The following PPP1R21 variants were observed in gnomAD, a reference collection of about 807,000 sequenced individuals.
The protein encoded by PPP1R21 is KLRAQ motif containing 1.
Under a neutral mutation model 112.8 loss-of-function variants are expected in PPP1R21, and 85 were observed. That is an observed-to-expected ratio of 0.75 (90% CI 0.63 to 0.90). The LOEUF (loss-of-function observed/expected upper bound fraction) is 0.90. Among genes scored for constraint, PPP1R21 ranks in the 40% least tolerant of loss-of-function variants. PPP1R21 has a pLI of 0.00. For missense variants in PPP1R21, 1,199 were observed against 901.5 expected, an observed-to-expected ratio of 1.33 and a Z score of -4.23; for synonymous variants, 381 against 322.3, an observed-to-expected ratio of 1.18 and a Z score of -1.95.
At chr2:48,457,576 AG>A (rs1667781953) in intron 3 of PPP1R21, among the ~76,000 whole-genome samples, 1 of 152,172 alleles carries the variant, frequency 6.6e-6, no homozygotes, top group Non-Finnish European at 1.5e-5. Flanking sequence ...ATTTAAAGGA[AG>A]GGATTTTAAA....
chr2:48,495,150 G>A (rs1028040390), intron 15 of PPP1R21, among the ~76,000 whole-genome samples: 15 of 152,290 alleles, frequency 9.8e-5, no homozygotes, highest in Non-Finnish European at 2.9e-5. Flanking sequence ...GTCATCAGTC[G>A]AACCAAGGTA....
Position 48,511,472 on chromosome 2 carries a change from T to G in PPP1R21, c.2313+4T>G. 1 of 1,611,822 alleles carries G rather than the reference T, an allele frequency of 6.2e-7. No individual in the cohort carries two copies. Among genetic ancestry groups the G allele is most frequent in the Non-Finnish European group, 8.5e-7 (1 of 1,179,420 alleles). ...CACACTAAAGATGTCCAGTAAGGTA[T>G]GTGAGGTGAGGTGAGGTAGTCTCTC... On this transcript the variant is annotated splice_donor_region_variant and intron_variant, in intron 21 of 21. Transcript: ENST00000294952.
chr2:48,454,692 T>C lies in PPP1R21; in HGVS notation c.224T>C (p.Leu75Pro). 2.5e-6 allele frequency: 4 copies of C among 1,614,136 alleles called. No homozygotes were observed. The highest frequency in any genetic ancestry group is 3.4e-6 in the Non-Finnish European group (4 of 1,179,982). ...RNLQLAKRVE[L>P]LQDELALSEP... is the part of the protein sequence containing the mutation. ...CTGCAGCTTGCCAAGAGGGTAGAAC[T>C]ACTTCAAGATGAACTAGCTCTAAGT... The change falls in exon 3 of 22, where the codon CTA becomes CCA. Residue 75 changes from leucine to proline, a missense_variant. Coordinates refer to ENST00000294952, the MANE Select transcript of PPP1R21 (RefSeq NM_001135629.3).
In PPP1R21 at chr2:48,440,830, G is replaced by GGCGGCGGCGGCT. The variant is rs1666981461; in HGVS notation, c.-119_-118insGGCGGCTGCGGC. Reference sequence around the variant, plus strand: ...GAGGAGGCGCGGCGGCGGCGGCGGCGGCGGCTGCGGTGGCCAAGCAGGCAG... The same window carrying GGCGGCGGCGGCT: ...GAGGAGGCGCGGCGGCGGCGGCGGCGGCGGCGGCGGCTGCGGCTGCGGTGGCCAAGCAGGCAG... On this transcript the variant is annotated 5_prime_UTR_variant, in exon 1 of 22. Transcript: ENST00000294952. 3 of 696,642 alleles carry GGCGGCGGCGGCT rather than the reference G, an allele frequency of 4.3e-6. No individual in the cohort carries two copies. Among genetic ancestry groups the GGCGGCGGCGGCT allele is most frequent in the Non-Finnish European group, 7.4e-6 (3 of 408,134 alleles). 43.2% of individuals were successfully genotyped at this position (696,642 alleles called of 1,614,324 possible).
At chr2:48,481,742 T>A (rs557639973) in intron 13 of PPP1R21, among the ~76,000 whole-genome samples, 23 of 151,934 alleles carry the variant, frequency 1.5e-4, no homozygotes, top group African/African-American at 3.9e-4. Flanking sequence ...AAAAAAAAAA[T>A]AAATTTTCTT....
chr2:48,469,540 CATAT>C (rs1437104391), intron 9 of PPP1R21, among the ~76,000 whole-genome samples: 1 of 71,554 alleles, frequency 1.4e-5, no homozygotes, highest in African/African-American at 5.6e-5. Context: ...ATATATAGAG[CATAT>C]ATATATATAG....
At chr2:48,443,178 T>C (rs113365336) in intron 1 of PPP1R21, among the ~76,000 whole-genome samples, 3 of 152,290 alleles carry the variant, frequency 2.0e-5, no homozygotes, top group African/African-American at 7.2e-5. Flanking sequence ...CATCCTTGTG[T>C]CTCATTCATT....
In PPP1R21 at chr2:48,451,039, G is replaced by C; in HGVS notation, c.89G>C (p.Gly30Ala). ...GCTCAGAATCAGGTTCTGAAAAAAG[G>C]TGTTGTGGATGAACAAGCAAATTCT... ...LRAQNQVLKK[G>A]VVDEQANSAA... is the part of the protein sequence containing the mutation. Residue 30 changes from glycine (G) to alanine (A), a missense_variant, in exon 2 of 22, where the codon GGT (glycine) becomes GCT (alanine). Gly to Ala is a moderately conservative substitution (Grantham distance 60, BLOSUM62 0). Transcript: ENST00000294952. 1 of 1,613,850 alleles carries C rather than the reference G, an allele frequency of 6.2e-7. No homozygotes were observed. Among genetic ancestry groups the C allele is most frequent in the Non-Finnish European group, 8.5e-7 (1 of 1,179,812 alleles).
rs780137283 is a variant in PPP1R21, at chr2:48,498,596, G to A, written c.1796G>A (p.Arg599Gln). The change falls in exon 17 of 22, where the codon CGA becomes CAA. Residue 599 changes from arginine to glutamine, a missense_variant. Transcript: ENST00000294952. The stretch of plus-strand genomic sequence containing the variant: ...ATCAAGCTAGAGAAAGAAAACCAGC[G>A]AATTGCAGATAAGCTGAAGAATACA... ...AKIKLEKENQ[R>Q]IADKLKNTGS... 23 of 1,614,112 alleles carry A rather than the reference G, an allele frequency of 1.4e-5. No homozygotes were observed. The highest frequency in any genetic ancestry group is 1.6e-4 in the Middle Eastern group (1 of 6,084).
chr2:48,490,111 C>T (rs1294969112), intron 14 of PPP1R21, among the ~76,000 whole-genome samples: 1 of 150,256 alleles, frequency 6.7e-6, no homozygotes, highest in African/African-American at 2.5e-5. Context: ...CCCAGCTACT[C>T]AGGCGGCTGA....
intron 20 of PPP1R21, among the ~76,000 whole-genome samples, chr2:48,510,424 G>T (rs566987556): frequency 6.6e-6 from 1 of 152,234 alleles, no homozygotes; most frequent in East Asian, 1.9e-4. Context: ...GGCTTGTTCT[G>T]TACATAGTAC....
chr2:48,462,344 G>C (rs1355157354), intron 7 of PPP1R21, among the ~76,000 whole-genome samples: 1 of 152,170 alleles, frequency 6.6e-6, no homozygotes, highest in Non-Finnish European at 1.5e-5. Context: ...GCCTCGTAAG[G>C]CAGAGATAGA....
chr2:48,441,039 T>A lies in PPP1R21; in HGVS notation c.57+29T>A, dbSNP rs1227613776. ...CCCATCGTGGTCTGGGAGTAGGGGG[T>A]CCCCCGCCCTGCGGCCTCAGGTTGC... On this transcript the variant is annotated intron_variant, in intron 1 of 21. Transcript: ENST00000294952. The A allele has an allele frequency of 2.0e-6, 3 of 1,530,918 alleles. No homozygotes were observed. In the South Asian group the frequency reaches 3.4e-5, roughly 17 times the overall value. 94.8% of individuals were successfully genotyped at this position (1,530,918 alleles called of 1,614,324 possible). A position where few individuals can be genotyped will look rare whatever the true frequency, so the allele number is the denominator to read the frequency against.
intron 15 of PPP1R21, among the ~76,000 whole-genome samples, chr2:48,494,461 C>A (rs1009377573): frequency 1.3e-5 from 2 of 151,862 alleles, no homozygotes; most frequent in African/African-American, 4.8e-5. Context: ...GAGTCTTGCT[C>A]TGTCGCCCAG....
intron 16 of PPP1R21, 69 bp downstream of exon 16, chr2:48,495,840 T>A (rs754519222): frequency 2.3e-6 from 2 of 878,612 alleles, no homozygotes; most frequent in Non-Finnish European, 3.9e-6. Flanking sequence ...AGAAAGTTTT[T>A]AAGATACGTA....
At position 48,486,642 on chromosome 2, in the gene PPP1R21, C is replaced by A. The variant is rs1558489454; in HGVS notation, c.1330C>A (p.His444Asn). The A allele has an allele frequency of 6.2e-7, 1 of 1,609,930 alleles. No homozygotes were observed. Among genetic ancestry groups the A allele is most frequent in the Non-Finnish European group, 8.5e-7 (1 of 1,176,608 alleles). ...AATTGCTTTTATAGATATTTCCAAA[C>A]ATTATAGTCAAAAAGCTGCAATAGA... ...FHDVMKDISKHYSQKAAIEHE... is the reference protein window; with the variant it reads ...FHDVMKDISKNYSQKAAIEHE... The change falls in exon 14 of 22, where the codon CAT (histidine) becomes AAT (asparagine). Residue 444 changes from histidine (H) to asparagine (N), a missense_variant. His to Asn is a moderately conservative substitution (Grantham distance 68). Transcript: ENST00000294952.
At chr2:48,506,958 A>G (rs1272085340) in intron 18 of PPP1R21, among the ~76,000 whole-genome samples, 2 of 151,904 alleles carry the variant, frequency 1.3e-5, no homozygotes, top group African/African-American at 4.8e-5. Flanking sequence ...AAAAAAAAAA[A>G]AAAAAAGTCA....
At chr2:48,499,048 A>G (rs982899100) in intron 17 of PPP1R21, among the ~76,000 whole-genome samples, 6 of 151,378 alleles carry the variant, frequency 4.0e-5, no homozygotes, top group Middle Eastern at 3.4e-3. Context: ...TAAGGGTATT[A>G]ATCCTATTAG....
At chr2:48,449,648 G>C (rs1667391706) in intron 1 of PPP1R21, among the ~76,000 whole-genome samples, 1 of 152,120 alleles carries the variant, frequency 6.6e-6, no homozygotes, top group Non-Finnish European at 1.5e-5. Flanking sequence ...AAATATGCTT[G>C]TTCTTTTGGC....
Sources: gnomAD v4.1 joint callset for allele counts (sites outside exome capture counted in the v4.1 genomes callset) on GRCh38, gnomAD v4.1.1 for gene constraint, MANE v1.5 for transcripts, NCBI Gene and HGNC (gene_info 2026-07-23, HGNC 2026-07-21) for gene names.